The following ZNF619 variants were observed in gnomAD, a reference collection of about 807,000 sequenced individuals.
ZNF619 encodes zinc finger protein 619.
Under a neutral mutation model 14.2 loss-of-function variants are expected in ZNF619, and 9 were observed. The observed-to-expected ratio is 0.64, with a 90% confidence interval of 0.38 to 1.11. The LOEUF (loss-of-function observed/expected upper bound fraction) is 1.11, where lower values mean the gene tolerates loss of function less well. Among genes scored for constraint, ZNF619 ranks in the 50% least tolerant of loss-of-function variants. ZNF619 has a pLI of 0.01. For missense variants in ZNF619, 659 were observed against 680.1 expected (o/e 0.97, Z 0.34); for synonymous variants, 246 against 252.8 (o/e 0.97, Z 0.26).
At position 40,488,224 on chromosome 3, in the gene ZNF619, T is replaced by G. The variant is rs1697702944; in HGVS notation, c.1714T>G (p.Leu572Val). The G allele has an allele frequency of 2.5e-6, 4 of 1,570,182 alleles. No individual in the cohort carries two copies. In the Admixed American group the frequency reaches 5.1e-5, roughly 20 times the overall value. The change falls in exon 5 of 5, where the codon TTG becomes GTG. Residue 572 changes from leucine (L) to valine (V), a missense_variant. Coordinates refer to ENST00000432264, the MANE Select transcript of ZNF619 (RefSeq NM_001145093.4). ...GTCATCCCTTCAGAGCCCGAATCCT[T>G]TGTCTCACTCCCTGTAAGCCCCGTC... is the stretch of plus-strand genomic sequence containing the variant. ...GKSSLQSPNP[L>V]SHSL
At chr3:40,480,910 T>C (rs1328739675) in intron 2 of ZNF619, among the ~76,000 whole-genome samples, 1 of 152,168 alleles carries the variant, frequency 6.6e-6, no homozygotes, top group Non-Finnish European at 1.5e-5. Context: ...GAGTCAGAGA[T>C]AGATGTTTTA....
chr3:40,488,160 A>T lies in ZNF619; in HGVS notation c.1650A>T (p.Gln550His). 6.2e-7 allele frequency: 1 copy of T among 1,613,714 alleles called. No individual in the cohort carries two copies. The highest frequency in any genetic ancestry group is 8.5e-7 in the Non-Finnish European group (1 of 1,179,822). The change falls in exon 5 of 5, where the codon CAA becomes CAT. Residue 550 changes from glutamine to histidine, a missense_variant. By Grantham distance (24) the Gln-to-His change is conservative (BLOSUM62 0). Coordinates refer to ENST00000432264, the MANE Select transcript of ZNF619 (RefSeq NM_001145093.4). ...SSEKANPSPVQIAHFFQDLAF... is the reference protein window; with the variant it reads ...SSEKANPSPVHIAHFFQDLAF... ...AAAAGGCCAACCCTTCACCTGTCCA[A>T]ATAGCACATTTTTTTCAGGATCTCG...
chr3:40,483,100 C>T (rs543226097), intron 4 of ZNF619, among the ~76,000 whole-genome samples: 1 of 152,236 alleles, frequency 6.6e-6, no homozygotes, highest in Non-Finnish European at 1.5e-5. Context: ...GTGCCAGCTA[C>T]TCAGGAGGCT....
At chr3:40,480,358 C>T (rs1168693462) in intron 2 of ZNF619, among the ~76,000 whole-genome samples, 3 of 152,072 alleles carry the variant, frequency 2.0e-5, no homozygotes, top group Non-Finnish European at 2.9e-5. Context: ...TACTGTTTTC[C>T]TCTTGTAACT....
chr3:40,480,873 A>G (rs1260139809), intron 2 of ZNF619, among the ~76,000 whole-genome samples: 1 of 152,204 alleles, frequency 6.6e-6, no homozygotes, highest in Non-Finnish European at 1.5e-5. Flanking sequence ...GGTTGTTGAC[A>G]TGATGAATTG....
In ZNF619 at chr3:40,486,819, G is replaced by C. The variant is rs1279687771; in HGVS notation, c.309G>C (p.Lys103Asn). Reference sequence around the variant, plus strand: ...TTATCATGCTAGGTGGTAAAACCAAGACTGAGAATGAGGAAAAAACTGCAC... The same window carrying C: ...TTATCATGCTAGGTGGTAAAACCAACACTGAGAATGAGGAAAAAACTGCAC... The part of the protein sequence containing the change: ...LRGMCTGGKT[K>N]TENEEKTAQL... The change falls in exon 5 of 5, where the codon AAG becomes AAC. Residue 103 changes from lysine to asparagine, a missense_variant. Transcript: ENST00000432264. 6.3e-6 allele frequency: 10 copies of C among 1,597,608 alleles called. No individual in the cohort carries two copies. The Admixed American group carries it at 1.8e-4, about 29-fold the overall frequency.
rs1422759918 is a variant in ZNF619, at chr3:40,481,849, C to T, written c.25-14C>T. On this transcript the variant is annotated splice_polypyrimidine_tract_variant and intron_variant, in intron 2 of 4. Transcript: ENST00000432264. ...TTTCCTGGAATTCAGGCCTCTCCCT[C>T]TGTTCTTGTGCAGGGCTTGGGCAGG... 1 of 1,592,092 alleles carries T rather than the reference C, an allele frequency of 6.3e-7. No homozygotes were observed. The highest frequency in any genetic ancestry group is 1.4e-5 in the African/African-American group (1 of 73,948).
rs772309936 is a variant in ZNF619, at chr3:40,487,790, C to T, written c.1280C>T (p.Pro427Leu). 2.5e-6 allele frequency: 4 copies of T among 1,613,964 alleles called. No homozygotes were observed. Among genetic ancestry groups the T allele is most frequent in the Admixed American group, 1.7e-5 (1 of 59,994 alleles). ...CAGAGAATCCACAATGGGGAGAAACCCTATGAATGCCAGGAATGTGGGAAG... is the reference window on the plus strand; with the variant it reads ...CAGAGAATCCACAATGGGGAGAAACTCTATGAATGCCAGGAATGTGGGAAG... ...VHQRIHNGEK[P>L]YECQECGKTF... Residue 427 changes from proline (P) to leucine (L), a missense_variant, in exon 5 of 5, where the codon CCC (proline) becomes CTC (leucine). By Grantham distance (98) the Pro-to-Leu change is moderately conservative. Coordinates refer to ENST00000432264, the MANE Select transcript of ZNF619 (RefSeq NM_001145093.4).
rs1697665030 is a variant in ZNF619, at chr3:40,487,792, T to C, written c.1282T>C (p.Tyr428His). Reference sequence around the variant, plus strand: ...GAGAATCCACAATGGGGAGAAACCCTATGAATGCCAGGAATGTGGGAAGAC... The same window carrying C: ...GAGAATCCACAATGGGGAGAAACCCCATGAATGCCAGGAATGTGGGAAGAC... ...HQRIHNGEKPYECQECGKTFS... is the reference protein window; with the variant it reads ...HQRIHNGEKPHECQECGKTFS... The change falls in exon 5 of 5, where the codon TAT becomes CAT. Residue 428 changes from tyrosine (Y) to histidine (H), a missense_variant. By Grantham distance (83) the Tyr-to-His change is moderately conservative. Coordinates refer to ENST00000432264, the MANE Select transcript of ZNF619 (RefSeq NM_001145093.4). 1 of 1,614,144 alleles carries C rather than the reference T, an allele frequency of 6.2e-7. No individual in the cohort carries two copies. Among genetic ancestry groups the C allele is most frequent in the Non-Finnish European group, 8.5e-7 (1 of 1,180,030 alleles).
chr3:40,479,294 G>C (rs189452859), intron 2 of ZNF619, among the ~76,000 whole-genome samples: 1 of 152,146 alleles, frequency 6.6e-6, no homozygotes, highest in Non-Finnish European at 1.5e-5. Flanking sequence ...CCACTTGGTT[G>C]CCCGGGTTGA....
rs763466661 is a variant in ZNF619, at chr3:40,486,893, G to C, written c.383G>C (p.Gly128Ala). ...ESESHRLIVE[G>A]LLMDVPQHPD... ...GAGTCCCACAGACTGATAGTGGAGG[G>C]ACTGCTGATGGACGTTCCCCAGCAC... Residue 128 changes from glycine (G) to alanine (A), a missense_variant, in exon 5 of 5, where the codon GGA becomes GCA. Physicochemically the swap from Gly to Ala is moderately conservative, Grantham distance 60. Coordinates refer to ENST00000432264, the MANE Select transcript of ZNF619 (RefSeq NM_001145093.4). 6.2e-7 allele frequency: 1 copy of C among 1,614,178 alleles called. No individual in the cohort carries two copies.
intron 4 of ZNF619, among the ~76,000 whole-genome samples, chr3:40,483,292 GTT>G (rs777485499): frequency 5.7e-5 from 8 of 139,998 alleles, no homozygotes; most frequent in Non-Finnish European, 4.7e-5. Flanking sequence ...CTTGGTTTTG[GTT>G]TTTTTTTTTT....
At position 40,489,757 on chromosome 3, in the gene ZNF619, G is replaced by C. The variant is rs1697751664; in HGVS notation, c.*1516G>C. Reference sequence around the variant, plus strand: ...TGACTTGCTGTAGTTTCTCAGAAGTGAGTCCATTCCTGATGAGTTACTATG... The same window carrying C: ...TGACTTGCTGTAGTTTCTCAGAAGTCAGTCCATTCCTGATGAGTTACTATG... On this transcript the variant is annotated 3_prime_UTR_variant, in exon 5 of 5. Transcript: ENST00000432264. 1 of 152,184 alleles carries C rather than the reference G, an allele frequency of 6.6e-6. No individual in the cohort carries two copies. The highest frequency in any genetic ancestry group is 1.5e-5 in the Non-Finnish European group (1 of 68,046). 9.4% of individuals were successfully genotyped at this position (152,184 alleles called of 1,614,324 possible).
Position 40,478,353 on chromosome 3 carries a change from C to G in ZNF619, c.24+350C>G, listed in dbSNP as rs1697269365. Among the ~76,000 whole-genome samples the G allele has an allele frequency of 2.0e-5, 3 of 152,088 alleles. No homozygotes were observed. In the East Asian group the frequency reaches 5.8e-4, roughly 29 times the overall value. On this transcript the variant is annotated intron_variant, in intron 2 of 4. Coordinates refer to ENST00000432264, the MANE Select transcript of ZNF619 (RefSeq NM_001145093.4). ...ATCAGAATCTACATTTTTACAAGAT[C>G]TGGAAAATTAAAGGGCAGATTAAAA...
In ZNF619 at chr3:40,487,086, T is replaced by G. The variant is rs1288211543; in HGVS notation, c.576T>G (p.Ile192Met). 1 of 1,614,100 alleles carries G rather than the reference T, an allele frequency of 6.2e-7. No individual in the cohort carries two copies. Residue 192 changes from isoleucine to methionine, a missense_variant, in exon 5 of 5, where the codon ATT becomes ATG. By Grantham distance (10) the Ile-to-Met change is conservative (BLOSUM62 1). Transcript: ENST00000432264. ...AAAGTAGTGTCAGCACACATCTCAT[T>G]ACAAAGCAGGGTTTTGCCAAAGAAC... ...LEESSVSTHL[I>M]TKQGFAKEQV...
intron 3 of ZNF619, 132 bp downstream of exon 3, chr3:40,482,148 G>A (rs893043624): frequency 1.7e-5 from 26 of 1,546,146 alleles, no homozygotes; most frequent in Admixed American, 4.1e-5. Flanking sequence ...AATCCCCAGT[G>A]CCAGGGGTAG....
chr3:40,485,033 T>C (rs544887120), intron 4 of ZNF619, among the ~76,000 whole-genome samples: 11 of 152,254 alleles, frequency 7.2e-5, no homozygotes, highest in African/African-American at 2.6e-4. Flanking sequence ...GCTCAAGTGA[T>C]TCTTTCACCT....
At chr3:40,480,220 TCTGCA>T (rs1647813351) in intron 2 of ZNF619, among the ~76,000 whole-genome samples, 2 of 152,230 alleles carry the variant, frequency 1.3e-5, no homozygotes, top group South Asian at 4.1e-4. Context: ...ATGTATCTAT[TCTGCA>T]CTGTCCAGGA....
chr3:40,480,636 C>T (rs1287868626), intron 2 of ZNF619, among the ~76,000 whole-genome samples: 4 of 151,800 alleles, frequency 2.6e-5, no homozygotes, highest in Non-Finnish European at 5.9e-5. Flanking sequence ...GTAGCTGGGA[C>T]TACAGGTGCC....
Sources: allele counts gnomAD v4.1 joint callset (sites outside exome capture counted in the v4.1 genomes callset), GRCh38; gene constraint gnomAD v4.1.1; transcripts MANE v1.5; gene names NCBI Gene and HGNC (gene_info 2026-07-23, HGNC 2026-07-21).